CRTC1: variants seen among roughly 807,000 people sequenced by gnomAD.
The protein encoded by CRTC1 is CREB regulated transcription coactivator 1.
CRTC1 carries 18 observed loss-of-function variants against 66.1 expected under a neutral mutation model. That is an observed-to-expected ratio of 0.27 (90% confidence interval 0.19 to 0.40). The LOEUF is 0.40. CRTC1 is among the 10% of genes least tolerant of loss of function. CRTC1 has a pLI of 1.00. For missense variants in CRTC1, 669 were observed against 887.9 expected (o/e 0.75, Z 3.13); for synonymous variants, 416 against 398.8 (o/e 1.04, Z -0.51).
At position 18,735,397 on chromosome 19, in the gene CRTC1, C is replaced by G. The variant is rs544215033; in HGVS notation, c.127-7513C>G. ...TGTTCTGCTTGATCCAGGGCAGTGA[C>G]AAGGGGACCCCCCGGGGAGCGGGGG... On this transcript the variant is annotated intron_variant, in intron 1 of 13. Coordinates refer to ENST00000321949, the MANE Select transcript of CRTC1 (RefSeq NM_015321.3). Among the ~76,000 whole-genome samples the G allele has an allele frequency of 2.2e-3, 331 of 152,296 alleles. 1 individual carries two copies. The highest frequency in any genetic ancestry group is 7.5e-3 in the African/African-American group (310 of 41,572).
chr19:18,720,877 A>C (rs2053612000), intron 1 of CRTC1, among the ~76,000 whole-genome samples: 1 of 141,014 alleles, frequency 7.1e-6, no homozygotes, highest in Non-Finnish European at 1.5e-5. Flanking sequence ...TCTCTGCCCG[A>C]GTACACTGCC....
Position 18,760,155 on chromosome 19 carries a change from A to G in CRTC1, c.813A>G (p.Ala271=). 6.2e-7 allele frequency: 1 copy of G among 1,613,660 alleles called. No homozygotes were observed. The highest frequency in any genetic ancestry group is 1.1e-5 in the South Asian group (1 of 91,066). ...PLDPEEPTFP[A]LSSSSSTGNL... is the part of the protein sequence containing the mutation. ...ACCCCGAGGAGCCCACCTTCCCTGC[A>G]CTGAGCAGCTCCAGCAGCACCGGCA... Residue 271 remains alanine, a synonymous_variant, in exon 8 of 14, where the codon GCA becomes GCG. Coordinates refer to ENST00000321949, the MANE Select transcript of CRTC1 (RefSeq NM_015321.3). The surrounding 1 kb of genome is among the most constrained non-coding windows in gnomAD (Gnocchi z 6.2).
At chr19:18,766,293 T>TA (rs1333935182) in intron 9 of CRTC1, among the ~76,000 whole-genome samples, 8 of 141,526 alleles carry the variant, frequency 5.7e-5, no homozygotes, top group African/African-American at 2.4e-4. Flanking sequence ...GCTAATTTTT[T>TA]TTTTTTTTTT....
At chr19:18,689,929 T>C (rs939064518) in intron 1 of CRTC1, among the ~76,000 whole-genome samples, 9 of 151,934 alleles carry the variant, frequency 5.9e-5, no homozygotes, top group Non-Finnish European at 8.8e-5. Flanking sequence ...GGAGGATAGC[T>C]GTGGCTGTGA....
At chr19:18,707,208 T>A (rs1200104312) in intron 1 of CRTC1, among the ~76,000 whole-genome samples, 2 of 152,218 alleles carry the variant, frequency 1.3e-5, no homozygotes, top group East Asian at 3.8e-4. Flanking sequence ...GTTATAGAGT[T>A]ACAGTTTTAG....
In CRTC1 at chr19:18,780,860, G is replaced by A. The variant is rs950254213; in HGVS notation, c.*3478G>A. ...GGCCTGAACAGCCTTGGCAGGACCC[G>A]TCCCTAGAGGGGGCTCTGGTGCCTC... On this transcript the variant is annotated 3_prime_UTR_variant, in exon 14 of 14. Transcript: ENST00000321949. 1.8e-5 allele frequency: 4 copies of A among 222,616 alleles called. No individual in the cohort carries two copies. Among genetic ancestry groups the A allele is most frequent in the East Asian group, 6.5e-5 (1 of 15,422 alleles). The allele number at this position is 222,616 out of a possible 1,614,324, so 13.8% of individuals were successfully genotyped here.
chr19:18,717,516 G>A (rs2053534905), intron 1 of CRTC1, among the ~76,000 whole-genome samples: 1 of 152,154 alleles, frequency 6.6e-6, no homozygotes, highest in African/African-American at 2.4e-5. Context: ...CAGAAGGGTC[G>A]TAGTGCTCAC....
intron 1 of CRTC1, among the ~76,000 whole-genome samples, chr19:18,726,389 C>T (rs1300337238): frequency 1.3e-5 from 2 of 152,204 alleles, no homozygotes; most frequent in Non-Finnish European, 2.9e-5. Flanking sequence ...CTCAGGCGGC[C>T]AGCTATAGGG....
In CRTC1 at chr19:18,728,815, C is replaced by CTTTTTTTTTT. The variant is rs35465891; in HGVS notation, c.127-14089_127-14080dup. Among the ~76,000 whole-genome samples, 186 of 79,320 alleles carry CTTTTTTTTTT rather than the reference C, an allele frequency of 2.3e-3. 8 individuals carry two copies. The highest frequency in any genetic ancestry group is 4.4e-3 in the East Asian group (6 of 1,366). 52.0% of individuals were successfully genotyped at this position (79,320 alleles called of 152,430 possible). ...ACAGGTGTGAGCCACCTCACCTGGC[C>CTTTTTTTTTT]TTTTTTTTTTTTTTTGAGACAGAGT... On this transcript the variant is annotated intron_variant, in intron 1 of 13. Coordinates refer to ENST00000321949, the MANE Select transcript of CRTC1 (RefSeq NM_015321.3).
At chr19:18,765,307 G>T in intron 8 of CRTC1, 97 bp from the exon 9 acceptor site, 1 of 1,486,048 alleles carries the variant, frequency 6.7e-7, no homozygotes. Context: ...CTGAGCAGTT[G>T]AGCTATTCCC....
At chr19:18,775,036 T>TGCTGGGACCCTC (rs373055997) in intron 12 of CRTC1, 50 bp downstream of exon 12, 1 of 1,563,532 alleles carries the variant, frequency 6.4e-7, no homozygotes, top group South Asian at 1.1e-5. Context: ...GACAGATGCT[T>TGCTGGGACCCTC]GCTGGGACCC....
chr19:18,778,111 C>T lies in CRTC1; in HGVS notation c.*729C>T, dbSNP rs1292234404. 3 of 232,844 alleles carry T rather than the reference C, an allele frequency of 1.3e-5. No individual in the cohort carries two copies. The highest frequency in any genetic ancestry group is 2.5e-5 in the Non-Finnish European group (3 of 117,892). 14.4% of individuals were successfully genotyped at this position (232,844 alleles called of 1,614,324 possible). ...TCACCGCAGGCAGGCCCATCGGTGGCCACCTTTGCCGGGAAGTGACCGGAA... is the reference window on the plus strand; with the variant it reads ...TCACCGCAGGCAGGCCCATCGGTGGTCACCTTTGCCGGGAAGTGACCGGAA... On this transcript the variant is annotated 3_prime_UTR_variant, in exon 14 of 14. Transcript: ENST00000321949.
intron 5 of CRTC1, among the ~76,000 whole-genome samples, chr19:18,751,787 G>C (rs772580989): frequency 5.3e-5 from 8 of 152,076 alleles, no homozygotes; most frequent in Non-Finnish European, 7.4e-5. Context: ...TTGGTGCCGG[G>C]GGCTCAATAA....
At position 18,775,731 on chromosome 19, in the gene CRTC1, A is replaced by C. The variant is rs1432649598; in HGVS notation, c.1603A>C (p.Met535Leu). The change falls in exon 13 of 14, where the codon ATG (methionine) becomes CTG (leucine). Residue 535 changes from methionine to leucine, a missense_variant. Met to Leu is a conservative substitution (Grantham distance 15, BLOSUM62 2). Around this residue, in one of 8 missense-constraint regions of CRTC1, gnomAD observed 79 missense variants for 100.1 expected, o/e 0.79. Transcript: ENST00000321949. ...STLNYSQAAMMGLTGSHGSLP... is the reference protein window; with the variant it reads ...STLNYSQAAMLGLTGSHGSLP... ...ACTCAACTACTCGCAGGCGGCCATG[A>C]TGGGCCTCACGGGCAGCCACGGGAG... is the stretch of plus-strand genomic sequence containing the variant. 6.2e-7 allele frequency: 1 copy of C among 1,612,636 alleles called. No individual in the cohort carries two copies. The highest frequency in any genetic ancestry group is 1.1e-5 in the South Asian group (1 of 91,054).
At chr19:18,750,717 AGAG>A (rs903644348) in intron 5 of CRTC1, among the ~76,000 whole-genome samples, 2 of 152,042 alleles carry the variant, frequency 1.3e-5, no homozygotes, top group Non-Finnish European at 2.9e-5. Flanking sequence ...AGGAGGAGGA[AGAG>A]GAGGAGGAGG....
rs995728442 is a variant in CRTC1 at position 18,749,557 on chromosome 19, G to A, written c.444-224G>A. Among the ~76,000 whole-genome samples the A allele has an allele frequency of 5.3e-5, 8 of 152,226 alleles. No individual in the cohort carries two copies. In the South Asian group the frequency reaches 6.2e-4, roughly 12 times the overall value. On this transcript the variant is annotated intron_variant, in intron 4 of 13. Transcript: ENST00000321949. ...TGGGACCACAGGCGTGCGCCACCTC[G>A]CGCGGCTGCTTTTTGTTTTTCACGA...
intron 5 of CRTC1, among the ~76,000 whole-genome samples, chr19:18,751,758 A>G (rs2054368784): frequency 6.6e-6 from 1 of 152,112 alleles, no homozygotes; most frequent in Admixed American, 6.6e-5. Flanking sequence ...ATTGAGTGAC[A>G]TGATCTGAAC....
At chr19:18,775,025 G>A (rs776581274) in intron 12 of CRTC1, 39 bp downstream of exon 12, 2 of 1,583,684 alleles carry the variant, frequency 1.3e-6, no homozygotes, top group South Asian at 1.1e-5. Flanking sequence ...CCGGTGCCCA[G>A]GACAGATGCT....
intron 1 of CRTC1, among the ~76,000 whole-genome samples, chr19:18,704,602 C>T (rs1330926135): frequency 1.3e-5 from 2 of 152,060 alleles, no homozygotes; most frequent in African/African-American, 4.8e-5. Flanking sequence ...ATCCCAGCTA[C>T]TCGGGATGCT....
Sources: gnomAD v4.1 joint callset for allele counts (sites outside exome capture counted in the v4.1 genomes callset) on GRCh38, gnomAD v4.1.1 for gene constraint, gnomAD v4.1.1 regional missense constraint, Gnocchi (gnomAD v3.1) non-coding constraint, MANE v1.5 for transcripts, NCBI Gene and HGNC (gene_info 2026-07-23, HGNC 2026-07-21) for gene names.